The following ATP5MC1 variants were observed in gnomAD, a reference collection of about 807,000 sequenced individuals.
The protein encoded by ATP5MC1 is ATP synthase F(0) complex subunit C1, mitochondrial.
ATP5MC1 carries 4 observed loss-of-function variants against 12.1 expected under a neutral mutation model. The ratio of observed to expected loss-of-function variants is 0.33; its 90% CI spans 0.16 to 0.76. The LOEUF is 0.76. Ranked by LOEUF, ATP5MC1 falls within the 30% of genes least tolerant of loss-of-function variation. ATP5MC1 has a pLI of 0.61. For missense variants in ATP5MC1, 117 were observed against 172.1 expected (o/e 0.68, Z 1.79); for synonymous variants, 52 against 66.0 (o/e 0.79, Z 1.03).
chr17:48,893,315 G>A lies in ATP5MC1; in HGVS notation c.-9-94G>A. Reference sequence around the variant, plus strand: ...GGAAGAGCGTGGTCTAGGGAGGACGGACGGGGGTGAAGGGGACGACCAAAG... The same window carrying A: ...GGAAGAGCGTGGTCTAGGGAGGACGAACGGGGGTGAAGGGGACGACCAAAG... On this transcript the variant is annotated intron_variant, in intron 1 of 4. Transcript: ENST00000393366. The A allele has an allele frequency of 5.3e-6, 7 of 1,329,368 alleles. No homozygotes were observed. In the South Asian group the frequency reaches 7.9e-5, roughly 15 times the overall value. 82.3% of individuals were successfully genotyped at this position (1,329,368 alleles called of 1,614,324 possible). A position where few individuals can be genotyped will look rare whatever the true frequency, so the allele number is the denominator to read the frequency against.
At position 48,895,317 on chromosome 17, in the gene ATP5MC1, G is replaced by A. The variant is rs1382800003; in HGVS notation, c.279G>A (p.Leu93=). ...GCATTGGAACCGTGTTTGGCAGCTTGATCATTGGCTATGCCAGGTAAGTTT... is the reference window on the plus strand; with the variant it reads ...GCATTGGAACCGTGTTTGGCAGCTTAATCATTGGCTATGCCAGGTAAGTTT... The part of the protein sequence containing the change: ...GAGIGTVFGS[L]IIGYARNPSL... Residue 93 remains leucine (L), a synonymous_variant, in exon 4 of 5, where the codon TTG becomes TTA. Coordinates refer to ENST00000393366, the MANE Select transcript of ATP5MC1 (RefSeq NM_005175.3). 2 of 1,592,400 alleles carry A rather than the reference G, an allele frequency of 1.3e-6. No homozygotes were observed. The highest frequency in any genetic ancestry group is 1.7e-6 in the Non-Finnish European group (2 of 1,162,804).
At chr17:48,893,280 C>A in intron 1 of ATP5MC1, 129 bp from the exon 2 acceptor site, 1 of 885,462 alleles carries the variant, frequency 1.1e-6, no homozygotes, top group Non-Finnish European at 1.7e-6. Flanking sequence ...TCAGCTGGGG[C>A]ACGGTGCAAG....
intron 2 of ATP5MC1, 159 bp from the exon 3 acceptor site, chr17:48,894,213 C>CTT: frequency 1.4e-6 from 1 of 691,450 alleles, no homozygotes; most frequent in Non-Finnish European, 2.5e-6. Context: ...AGACAGCTGT[C>CTT]TCTGGGGCAG....
intron 4 of ATP5MC1, 75 bp from the exon 5 acceptor site, chr17:48,895,580 C>A: frequency 7.1e-7 from 1 of 1,402,950 alleles, no homozygotes. Flanking sequence ...TCCCCATTCA[C>A]CTCACCCTCC....
At chr17:48,893,327 G>A in intron 1 of ATP5MC1, 82 bp from the exon 2 acceptor site, 7 of 1,447,502 alleles carry the variant, frequency 4.8e-6, no homozygotes, top group Non-Finnish European at 6.6e-6. Flanking sequence ...CGGGGGTGAA[G>A]GGGACGACCA....
chr17:48,894,503 C>G, intron 3 of ATP5MC1, 54 bp downstream of exon 3: 1 of 1,561,538 alleles, frequency 6.4e-7, no homozygotes, highest in Non-Finnish European at 8.8e-7. Context: ...GATGGTGGCT[C>G]ACACCTGTAA....
chr17:48,894,780 T>A (rs1201397865), intron 3 of ATP5MC1: 1 of 510,916 alleles, frequency 2.0e-6, no homozygotes, highest in Non-Finnish European at 3.8e-6. Context: ...CATTAATTAA[T>A]TTTTTTTAAA....
rs979896297 is a variant in ATP5MC1 at position 48,895,193 on chromosome 17, G to A, written c.155G>A (p.Arg52Gln). Residue 52 changes from arginine to glutamine, a missense_variant, in exon 4 of 5, where the codon CGG becomes CAG. Transcript: ENST00000393366. ...AACTTCCCACTCCAGGTGGCCAGAC[G>A]GGAGTTCCAGACCAGTGTTGTCTCC... Reference protein sequence around the residue: ...YSNFPLQVARREFQTSVVSRD... With the variant: ...YSNFPLQVARQEFQTSVVSRD... 9 of 1,609,592 alleles carry A rather than the reference G, an allele frequency of 5.6e-6. No homozygotes were observed. Among genetic ancestry groups the A allele is most frequent in the East Asian group, 2.2e-5 (1 of 44,726 alleles).
At chr17:48,895,560 G>A (rs1247366902) in intron 4 of ATP5MC1, 95 bp from the exon 5 acceptor site, 1 of 1,340,770 alleles carries the variant, frequency 7.5e-7, no homozygotes, top group Non-Finnish European at 1.1e-6. Flanking sequence ...CCCTCTCCCA[G>A]GAGTAACAGT....
At position 48,893,588 on chromosome 17, in the gene ATP5MC1, T is replaced by A. The variant is rs943270041; in HGVS notation, c.39+132T>A. ...TCTTTGAGGTGGCTGTAGGATGTGA[T>A]GAAGGTAACCCCTGTTTATCTGGGC... is the stretch of plus-strand genomic sequence containing the variant. On this transcript the variant is annotated intron_variant, in intron 2 of 4. Coordinates refer to ENST00000393366, the MANE Select transcript of ATP5MC1 (RefSeq NM_005175.3). The A allele has an allele frequency of 7.8e-6, 8 of 1,030,326 alleles. No homozygotes were observed. In the Admixed American group the frequency reaches 1.6e-4, roughly 21 times the overall value. 63.8% of individuals were successfully genotyped at this position (1,030,326 alleles called of 1,614,324 possible). A position where few individuals can be genotyped will look rare whatever the true frequency, so the allele number is the denominator to read the frequency against.
At position 48,895,779 on chromosome 17, in the gene ATP5MC1, G is replaced by C. The variant is rs2040567656; in HGVS notation, c.*10G>C. Reference sequence around the variant, plus strand: ...CCTCTTCGCCATGTGAGGCTCCATGGGGGGGTCACCGGCCTGTTGCTACTG... The same window carrying C: ...CCTCTTCGCCATGTGAGGCTCCATGCGGGGGTCACCGGCCTGTTGCTACTG... On this transcript the variant is annotated 3_prime_UTR_variant, in exon 5 of 5. Transcript: ENST00000393366. 7 of 1,453,040 alleles carry C rather than the reference G, an allele frequency of 4.8e-6. No individual in the cohort carries two copies. The highest frequency in any genetic ancestry group is 3.0e-5 in the African/African-American group (1 of 33,492). 90.0% of individuals were successfully genotyped at this position (1,453,040 alleles called of 1,614,324 possible).
intron 1 of ATP5MC1, 172 bp from the exon 2 acceptor site, chr17:48,893,237 A>T (rs1193940498): frequency 1.6e-6 from 1 of 606,300 alleles, no homozygotes; most frequent in Non-Finnish European, 2.9e-6. Flanking sequence ...TTGAAGACCC[A>T]CTGCTCTGTC....
chr17:48,895,383 T>C (rs563452294), intron 4 of ATP5MC1, 49 bp downstream of exon 4: 38 of 1,540,724 alleles, frequency 2.5e-5, no homozygotes, highest in African/African-American at 4.1e-5. Flanking sequence ...TCCACCCCGT[T>C]TGGGGAAGCC....
intron 3 of ATP5MC1, 80 bp from the exon 4 acceptor site, chr17:48,895,076 G>C: frequency 6.6e-7 from 1 of 1,525,314 alleles, no homozygotes; most frequent in Non-Finnish European, 8.9e-7. Flanking sequence ...GGTGGGTGGG[G>C]TGAAGGAGGT....
At chr17:48,893,701 G>A in intron 2 of ATP5MC1, 1 of 574,598 alleles carries the variant, frequency 1.7e-6, no homozygotes, top group Non-Finnish European at 3.1e-6. Flanking sequence ...CATAGAGACA[G>A]CCCACTAAAA....
Position 48,894,371 on chromosome 17 carries a change from G to GGGGTAC in ATP5MC1, c.40-1_40insGGGTAC (p.Leu13_Ile14insGlyTyr), listed in dbSNP as rs2040553838. 1 of 1,613,822 alleles carries GGGGTAC rather than the reference G, an allele frequency of 6.2e-7. No individual in the cohort carries two copies. Among genetic ancestry groups the GGGGTAC allele is most frequent in the South Asian group, 1.1e-5 (1 of 91,044 alleles). On this transcript the variant is annotated inframe_insertion and splice_region_variant. Coordinates refer to ENST00000393366, the MANE Select transcript of ATP5MC1 (RefSeq NM_005175.3). The stretch of plus-strand genomic sequence containing the variant: ...TAGGATGTGGCTTTCTGATTTTACA[G>GGGGTAC]ATCCGCTGTTGTACCAGGGGTCTAA...
At chr17:48,893,290 G>A (rs375317996) in intron 1 of ATP5MC1, 119 bp from the exon 2 acceptor site, 43 of 1,017,434 alleles carry the variant, frequency 4.2e-5, no homozygotes, top group East Asian at 1.5e-4. Context: ...CACGGTGCAA[G>A]GAAGAGCGTG....
chr17:48,894,861 A>C (rs1041004873), intron 3 of ATP5MC1: 1 of 571,298 alleles, frequency 1.8e-6, no homozygotes, highest in African/African-American at 1.8e-5. Flanking sequence ...GGAGAGTTGG[A>C]GAATCTGTAT....
At position 48,893,074 on chromosome 17, in the gene ATP5MC1, G is replaced by A. The variant is rs2040543863; in HGVS notation, c.-10+164G>A. ...AACGATTGACTGCCTCGGCTGGGGC[G>A]GGTCGGGGACTGCTGTGTAAGATGG... On this transcript the variant is annotated intron_variant, in intron 1 of 4. Coordinates refer to ENST00000393366, the MANE Select transcript of ATP5MC1 (RefSeq NM_005175.3). The A allele has an allele frequency of 1.2e-5, 4 of 332,836 alleles. No individual in the cohort carries two copies. In the Admixed American group the frequency reaches 1.4e-4, roughly 11 times the overall value. The allele number at this position is 332,836 out of a possible 1,614,324, so 20.6% of individuals were successfully genotyped here.
Sources: gnomAD v4.1 joint callset for allele counts on GRCh38, gnomAD v4.1.1 for gene constraint, MANE v1.5 for transcripts, NCBI Gene and HGNC (gene_info 2026-07-23, HGNC 2026-07-21) for gene names.